Variants in HAUS6 observed in about 807,000 individuals in gnomAD.
HAUS6 encodes the protein HAUS augmin like complex subunit 6, also known as HAUS augmin-like complex subunit 6.
A neutral mutation model predicts 106.8 loss-of-function variants in HAUS6; 80 were observed. That is an observed-to-expected ratio of 0.75 (90% CI 0.63 to 0.90). HAUS6 has a LOEUF of 0.90. Ranked by LOEUF, HAUS6 falls within the 40% of genes least tolerant of loss-of-function variation. The pLI is 0.00. For missense variants in HAUS6, 1,155 were observed against 1,118.1 expected (o/e 1.03, Z -0.47); for synonymous variants, 356 against 379.1 (o/e 0.94, Z 0.71).
At chr9:19,089,285 T>C (rs2131145602) in intron 5 of HAUS6, 127 bp downstream of exon 5, 1 of 632,186 alleles carries the variant, frequency 1.6e-6, no homozygotes, top group Non-Finnish European at 2.7e-6. Flanking sequence ...AGAAGTTATC[T>C]GACTTTAAAA....
intron 7 of HAUS6, among the ~76,000 whole-genome samples, chr9:19,086,272 C>T (rs887172827): frequency 6.6e-6 from 1 of 150,506 alleles, no homozygotes; most frequent in Non-Finnish European, 1.5e-5. Context: ...GACCACGCCA[C>T]TGCACTCCAG....
At chr9:19,060,962 G>C (rs35903853) in intron 14 of HAUS6, among the ~76,000 whole-genome samples, 6 of 152,144 alleles carry the variant, frequency 3.9e-5, no homozygotes, top group Non-Finnish European at 8.8e-5. Context: ...AGGAGTTCAA[G>C]ACCAGCCTGA....
At chr9:19,081,630 G>T (rs575530253) in intron 8 of HAUS6, among the ~76,000 whole-genome samples, 1 of 151,972 alleles carries the variant, frequency 6.6e-6, no homozygotes, top group African/African-American at 2.4e-5. Flanking sequence ...AGTAGAGACA[G>T]GGTTTCATCA....
At chr9:19,095,661 T>C (rs1817846019) in intron 2 of HAUS6, among the ~76,000 whole-genome samples, 1 of 152,054 alleles carries the variant, frequency 6.6e-6, no homozygotes. Flanking sequence ...TTATCAAAAA[T>C]GAAAATAATG....
chr9:19,065,470 A>G (rs984803063), intron 12 of HAUS6, among the ~76,000 whole-genome samples: 2 of 152,186 alleles, frequency 1.3e-5, no homozygotes, highest in African/African-American at 4.8e-5. Context: ...GCTATTATCA[A>G]TGAAAATTGG....
chr9:19,078,119 A>C, intron 10 of HAUS6, 57 bp downstream of exon 10: 2 of 222,878 alleles, frequency 9.0e-6, no homozygotes, highest in Non-Finnish European at 1.5e-5. Context: ...ACACTGTCTC[A>C]AAAAAAAAAA....
In HAUS6 at chr9:19,063,168, T is replaced by C. The variant is rs532206494; in HGVS notation, c.1469A>G (p.Glu490Gly). ...TTTCTTAGAAATTGCTTCATTTTTT[T>C]CTTTGGGAGTTCCCATCTTTGTGTC... is the stretch of plus-strand genomic sequence containing the variant. ...EKDTKMGTPK[E>G]KNEAISKKIP... The change falls in exon 14 of 17, where the codon GAA becomes GGA. Residue 490 changes from glutamate (E) to glycine (G), a missense_variant. Glu to Gly is a moderately conservative substitution (Grantham distance 98, BLOSUM62 -2). Around this residue, in one of 3 missense-constraint regions of HAUS6, gnomAD observed 761 missense variants for 690.0 expected, o/e 1.10. Transcript: ENST00000380502. 3 of 1,604,144 alleles carry C rather than the reference T, an allele frequency of 1.9e-6. No individual in the cohort carries two copies. Among genetic ancestry groups the C allele is most frequent in the South Asian group, 1.1e-5 (1 of 90,134 alleles).
intron 5 of HAUS6, among the ~76,000 whole-genome samples, 156 bp from the exon 6 acceptor site, chr9:19,087,312 A>T (rs1459196125): frequency 1.3e-5 from 2 of 152,180 alleles, no homozygotes; most frequent in Non-Finnish European, 2.9e-5. Context: ...CACACAAGTG[A>T]TTCAACATAC....
rs139778081 is a variant in HAUS6, at chr9:19,089,980, G to A, written c.437-421C>T. Among the ~76,000 whole-genome samples the A allele has an allele frequency of 1.4e-3, 212 of 151,832 alleles. 1 individual carries two copies. The highest frequency in any genetic ancestry group is 2.7e-3 in the Non-Finnish European group (184 of 67,916). Reference sequence around the variant, plus strand: ...CCAGAGTAGCTGAGACTACAAGCACGCACCACCATGCCCAGCTAGTTTTTT... The same window carrying A: ...CCAGAGTAGCTGAGACTACAAGCACACACCACCATGCCCAGCTAGTTTTTT... On this transcript the variant is annotated intron_variant, in intron 4 of 16. Transcript: ENST00000380502.
In HAUS6 at chr9:19,076,790, A is replaced by G. The variant is rs752177369; in HGVS notation, c.1192-86T>C. Reference sequence around the variant, plus strand: ...TACTGAGTTAATCTATGAATAGATTATCTTCTCAATAAGAAAGTCAGAATT... The same window carrying G: ...TACTGAGTTAATCTATGAATAGATTGTCTTCTCAATAAGAAAGTCAGAATT... On this transcript the variant is annotated intron_variant, in intron 10 of 16. Transcript: ENST00000380502. 30 of 663,644 alleles carry G rather than the reference A, an allele frequency of 4.5e-5. No individual in the cohort carries two copies. The Middle Eastern group carries it at 8.0e-4, about 18-fold the overall frequency. The allele number at this position is 663,644 out of a possible 1,614,324, so 41.1% of individuals were successfully genotyped here. A position where few individuals can be genotyped will look rare whatever the true frequency, so the allele number is the denominator to read the frequency against.
intron 1 of HAUS6, among the ~76,000 whole-genome samples, chr9:19,097,184 G>A (rs1005818302): frequency 6.6e-6 from 1 of 152,152 alleles, no homozygotes; most frequent in African/African-American, 2.4e-5. Flanking sequence ...CAGGACATAG[G>A]CATGGGCAAG....
At chr9:19,063,811 T>C (rs201415054) in intron 12 of HAUS6, 155 of 697,094 alleles carry the variant, frequency 2.2e-4, no homozygotes, top group Non-Finnish European at 2.7e-5. Flanking sequence ...ACTTACCACA[T>C]ACTGAGTCAA....
At chr9:19,072,767 G>A (rs1246673841) in intron 11 of HAUS6, among the ~76,000 whole-genome samples, 1 of 151,842 alleles carries the variant, frequency 6.6e-6, no homozygotes, top group African/African-American at 2.4e-5. Context: ...AAAAGGAGAA[G>A]AACAAAAGAA....
rs112943561 is a variant in HAUS6, at chr9:19,076,316, T to A, written c.1294+286A>T. 3.3e-3 allele frequency among the ~76,000 whole-genome samples: 503 copies of A among 152,130 alleles called. 2 individuals are homozygous for A. Among genetic ancestry groups the A allele is most frequent in the African/African-American group, 0.012 (486 of 41,504 alleles). ...CTACAGTGAGCTGAGATTGTTCGAC[T>A]GCACTCCAGCTTGGGCAACAAAGTG... On this transcript the variant is annotated intron_variant, in intron 11 of 16. Transcript: ENST00000380502.
intron 16 of HAUS6, 194 bp from the exon 17 acceptor site, chr9:19,056,598 T>C (rs1326186326): frequency 4.7e-6 from 1 of 214,786 alleles, no homozygotes. Flanking sequence ...CCCAGAGTAC[T>C]TTTTTTTTTT....
chr9:19,071,193 T>C (rs773807712), intron 11 of HAUS6, among the ~76,000 whole-genome samples: 5 of 152,194 alleles, frequency 3.3e-5, no homozygotes, highest in African/African-American at 9.7e-5. Context: ...TATATACCTA[T>C]GACTACTAAA....
At chr9:19,071,849 C>G (rs1014044028) in intron 11 of HAUS6, among the ~76,000 whole-genome samples, 1 of 151,890 alleles carries the variant, frequency 6.6e-6, no homozygotes, top group African/African-American at 2.4e-5. Context: ...GGATTACAGG[C>G]GTGAGCCACC....
In HAUS6 at chr9:19,063,617, G is replaced by A. The variant is rs771918806; in HGVS notation, c.1377-37C>T. On this transcript the variant is annotated intron_variant, in intron 12 of 16. Transcript: ENST00000380502. ...AAAGACAACAAATCCAAGTTATAAG[G>A]AGAAAAGAATTCCATTCCCTTTACG... The A allele has an allele frequency of 4.3e-6, 6 of 1,379,838 alleles. No individual in the cohort carries two copies. The South Asian group carries it at 7.0e-5, about 16-fold the overall frequency. The allele number at this position is 1,379,838 out of a possible 1,614,324, so 85.5% of individuals were successfully genotyped here.
intron 12 of HAUS6, among the ~76,000 whole-genome samples, chr9:19,066,206 G>A (rs535221126): frequency 6.6e-6 from 1 of 152,060 alleles, no homozygotes; most frequent in East Asian, 1.9e-4. Flanking sequence ...AAAGTGCTGG[G>A]ATTACAGGCA....
Sources: gnomAD v4.1 joint callset for allele counts (sites outside exome capture counted in the v4.1 genomes callset) on GRCh38, gnomAD v4.1.1 for gene constraint, gnomAD v4.1.1 regional missense constraint, MANE v1.5 for transcripts, NCBI Gene and HGNC (gene_info 2026-07-23, HGNC 2026-07-21) for gene names.